The following IL7 variants were observed in gnomAD, a reference collection of about 807,000 sequenced individuals.
The protein encoded by IL7 is interleukin-7.
Under a neutral mutation model 21.6 loss-of-function variants are expected in IL7, and 3 were observed. That is an observed-to-expected ratio of 0.14 (90% CI 0.06 to 0.36). The LOEUF (loss-of-function observed/expected upper bound fraction) is 0.36. Among genes scored for constraint, IL7 ranks in the 10% least tolerant of loss-of-function variants. The pLI, the probability that IL7 is intolerant of heterozygous loss-of-function variation, is 1.00. For synonymous variants in IL7, 62 were observed against 68.1 expected (o/e 0.91, Z 0.44); for missense variants, 175 against 200.2 (o/e 0.87, Z 0.76).
At chr8:78,685,741 T>C (rs1159319916) in intron 4 of IL7, 4 of 152,214 alleles carry the variant, frequency 2.6e-5, no homozygotes, top group African/African-American at 9.6e-5. Flanking sequence ...ATATTTCTAA[T>C]CGGTTCAAAA....
At chr8:78,760,368 G>A in intron 2 of IL7, 1 of 1,610,622 alleles carries the variant, frequency 6.2e-7, no homozygotes, top group Non-Finnish European at 8.5e-7. Context: ...CATCACAGAA[G>A]AATACACAGG....
intron 2 of IL7, among the ~76,000 whole-genome samples, chr8:78,789,568 A>T (rs1215886031): frequency 6.6e-6 from 1 of 152,110 alleles, no homozygotes; most frequent in Non-Finnish European, 1.5e-5. Context: ...TTTTAAAAAG[A>T]AGAAAAATGG....
intron 3 of IL7, chr8:78,697,507 G>C: frequency 6.2e-7 from 1 of 1,602,034 alleles, no homozygotes; most frequent in Non-Finnish European, 8.5e-7. Flanking sequence ...ACTGTTGTAG[G>C]TAATGATAGC....
At chr8:78,709,252 A>G (rs940124362) in intron 3 of IL7, among the ~76,000 whole-genome samples, 1 of 152,222 alleles carries the variant, frequency 6.6e-6, no homozygotes, top group Non-Finnish European at 1.5e-5. Flanking sequence ...TTTTAATTTA[A>G]AAAATTGCAT....
At chr8:78,728,603 C>T (rs1056736799), downstream of IL7, among the ~76,000 whole-genome samples, 13 of 152,032 alleles carry the variant, frequency 8.6e-5, no homozygotes, top group Admixed American at 7.2e-4. Flanking sequence ...TTTTATGTCT[C>T]ATACACAAAT....
rs143032591 is a variant in IL7, at chr8:78,796,206, A to G, written c.147+1866T>C. Among the ~76,000 whole-genome samples the G allele has an allele frequency of 5.2e-3, 788 of 152,170 alleles. 10 individuals carry two copies. Among genetic ancestry groups the G allele is most frequent in the African/African-American group, 0.018 (761 of 41,558 alleles). ...AATCAACAACAGACTTCTAGAACAA[A>G]CAAGTGATTATAGTAAGGTTGCAGG... On this transcript the variant is annotated intron_variant, in intron 2 of 5. Transcript: ENST00000263851.
Position 78,698,479 on chromosome 8 carries a change from C to G in IL7, n.215-12532G>C, listed in dbSNP as rs748502580. 5.6e-6 allele frequency: 9 copies of G among 1,612,712 alleles called. No individual in the cohort carries two copies. The Admixed American group carries it at 1.5e-4, about 27-fold the overall frequency. On this transcript the variant is annotated intron_variant and non_coding_transcript_variant, in intron 3 of 4. Transcript: ENST00000523959. ...GGGAAACAAACTTCAGACCTTATCT[C>G]CCTCTCATAAAGGGATAGCAGCCCC...
In IL7 at chr8:78,792,940, T is replaced by C. The variant is rs189741938; in HGVS notation, c.147+5132A>G. ...CTAGGAACATATCAAGACAATTGTATAAAAACTTGCATAGCCAAACAATGG... is the reference window on the plus strand; with the variant it reads ...CTAGGAACATATCAAGACAATTGTACAAAAACTTGCATAGCCAAACAATGG... On this transcript the variant is annotated intron_variant, in intron 2 of 5. Coordinates refer to ENST00000263851, the MANE Select transcript of IL7 (RefSeq NM_000880.4). Among the ~76,000 whole-genome samples the C allele has an allele frequency of 4.1e-4, 62 of 152,196 alleles. No individual in the cohort carries two copies. The Middle Eastern group carries it at 0.01, about 25-fold the overall frequency.
At chr8:78,747,678 A>G (rs1187732449) in intron 2 of IL7, among the ~76,000 whole-genome samples, 3 of 152,208 alleles carry the variant, frequency 2.0e-5, no homozygotes, top group Non-Finnish European at 4.4e-5. Context: ...AATTAAAGTC[A>G]TTTATTCTTT....
downstream of IL7, among the ~76,000 whole-genome samples, chr8:78,717,068 AT>A (rs1811129322): frequency 6.6e-6 from 1 of 152,296 alleles, no homozygotes; most frequent in Admixed American, 6.5e-5. Context: ...CTTTATAGCA[AT>A]GTGAGAACAG....
intron 3 of IL7, among the ~76,000 whole-genome samples, chr8:78,710,621 C>T (rs1401094502): frequency 6.6e-6 from 1 of 151,668 alleles, no homozygotes; most frequent in East Asian, 1.9e-4. Flanking sequence ...TCCTTATTTC[C>T]AGAATCATGT....
chr8:78,691,942 T>C (rs2130514772), intron 3 of IL7, among the ~76,000 whole-genome samples: 1 of 152,292 alleles, frequency 6.6e-6, no homozygotes, highest in Middle Eastern at 3.4e-3. Flanking sequence ...ATTTATGGGG[T>C]ACAAAGTGAT....
intron 2 of IL7, among the ~76,000 whole-genome samples, chr8:78,771,223 C>A (rs1239936875): frequency 7.2e-6 from 1 of 139,384 alleles, no homozygotes. Flanking sequence ...TTCTCTCTCT[C>A]CATTATTTAG....
chr8:78,793,756 T>C (rs548736521), intron 2 of IL7, among the ~76,000 whole-genome samples: 1 of 152,284 alleles, frequency 6.6e-6, no homozygotes, highest in East Asian at 1.9e-4. Context: ...GTGATACTGT[T>C]TGAAAGCATT....
At chr8:78,803,923 C>A (rs552489880) in intron 1 of IL7, among the ~76,000 whole-genome samples, 2 of 152,238 alleles carry the variant, frequency 1.3e-5, no homozygotes, top group South Asian at 2.1e-4. Flanking sequence ...CTTGATCTAA[C>A]GGAGTAGCCA....
chr8:78,762,135 TA>T (rs1812583513), intron 2 of IL7: 4 of 1,596,720 alleles, frequency 2.5e-6, no homozygotes, highest in Non-Finnish European at 3.4e-6. Context: ...TTTCTGTGTC[TA>T]CTATGTGGGT....
chr8:78,692,995 C>T (rs1810262959), intron 3 of IL7, among the ~76,000 whole-genome samples: 1 of 151,884 alleles, frequency 6.6e-6, no homozygotes, highest in Non-Finnish European at 1.5e-5. Context: ...GGTTTTTTGT[C>T]CTTGTGATAG....
chr8:78,784,174 G>A (rs1813434231), intron 2 of IL7, among the ~76,000 whole-genome samples: 1 of 152,180 alleles, frequency 6.6e-6, no homozygotes, highest in Admixed American at 6.5e-5. Context: ...TCATGAAGGT[G>A]AACCTCTAAT....
intron 2 of IL7, among the ~76,000 whole-genome samples, chr8:78,767,746 T>C (rs1370439857): frequency 6.6e-6 from 1 of 152,104 alleles, no homozygotes; most frequent in East Asian, 1.9e-4. Context: ...TTTATTAATA[T>C]CTTGTTCAAA....
Sources: allele counts gnomAD v4.1 joint callset (sites outside exome capture counted in the v4.1 genomes callset), GRCh38; gene constraint gnomAD v4.1.1; transcripts MANE v1.5; gene names NCBI Gene and HGNC (gene_info 2026-07-23, HGNC 2026-07-21).